The following LITAF variants were observed in gnomAD, a reference collection of about 807,000 sequenced individuals.
The protein encoded by LITAF is lipopolysaccharide-induced tumor necrosis factor-alpha factor.
Under a neutral mutation model 14.5 loss-of-function variants are expected in LITAF, and 9 were observed. That is an observed-to-expected ratio of 0.62 (90% CI 0.37 to 1.08). The LOEUF (loss-of-function observed/expected upper bound fraction) is 1.08, where lower values mean the gene tolerates loss of function less well. LITAF is among the 50% of genes least tolerant of loss of function. The probability of loss-of-function intolerance (pLI) is 0.01; values close to 1 mark genes in which losing one functional copy is unlikely to be tolerated. For synonymous variants in LITAF, 98 were observed against 88.2 expected, an observed-to-expected ratio of 1.11 and a Z score of -0.62; for missense variants, 206 against 213.4, an observed-to-expected ratio of 0.97 and a Z score of 0.22.
At chr16:11,635,738 G>A (rs1200264176) in intron 2 of LITAF, 2 of 152,200 alleles carry the variant, frequency 1.3e-5, no homozygotes, top group Non-Finnish European at 2.9e-5. Flanking sequence ...GACCCTTTTT[G>A]TCAACGGCGC....
At chr16:11,631,136 G>T (rs527836042) in intron 3 of LITAF, among the ~76,000 whole-genome samples, 1 of 152,268 alleles carries the variant, frequency 6.6e-6, no homozygotes, top group Non-Finnish European at 1.5e-5. Flanking sequence ...TAACCAGGTC[G>T]CCATGGGGTA....
chr16:11,618,276 C>T (rs1450128733), intron 3 of LITAF, among the ~76,000 whole-genome samples: 1 of 152,224 alleles, frequency 6.6e-6, no homozygotes, highest in Non-Finnish European at 1.5e-5. Context: ...TGCCACTGTG[C>T]TGGTCTAGAT....
At chr16:11,552,710 G>A (rs1329837298) in intron 3 of LITAF, among the ~76,000 whole-genome samples, 1 of 152,114 alleles carries the variant, frequency 6.6e-6, no homozygotes, top group East Asian at 1.9e-4. Flanking sequence ...GCCTCCCAGG[G>A]GGCATTTTTG....
intron 3 of LITAF, among the ~76,000 whole-genome samples, chr16:11,633,360 C>A (rs1470493869): frequency 6.6e-6 from 1 of 152,160 alleles, no homozygotes; most frequent in African/African-American, 2.4e-5. Context: ...TGAACCAGAG[C>A]AACTCCATCT....
At chr16:11,616,648 G>T (rs1216375041) in intron 3 of LITAF, among the ~76,000 whole-genome samples, 1 of 152,038 alleles carries the variant, frequency 6.6e-6, no homozygotes, top group Non-Finnish European at 1.5e-5. Flanking sequence ...CAATATCACA[G>T]GCTACCCTCT....
At position 11,586,027 on chromosome 16, in the gene LITAF, C is replaced by G. The variant is rs1409936806; in HGVS notation, c.-6+859G>C. ...CGAAGAGCTTCGGGCACACCACCAA[C>G]TGACCACCTATCCACAGTGACCTGC... On this transcript the variant is annotated intron_variant, in intron 1 of 3. Transcript: ENST00000622633. The surrounding 1 kb of genome is among the most constrained non-coding windows in gnomAD (Gnocchi z 6.5). The G allele has an allele frequency of 1.3e-5, 2 of 152,734 alleles. No individual in the cohort carries two copies. Among genetic ancestry groups the G allele is most frequent in the Non-Finnish European group, 2.9e-5 (2 of 68,420 alleles). The allele number at this position is 152,734 out of a possible 1,614,324, so 9.5% of individuals were successfully genotyped here.
chr16:11,563,110 C>G (rs1365526479), intron 1 of LITAF, among the ~76,000 whole-genome samples: 1 of 151,744 alleles, frequency 6.6e-6, no homozygotes, highest in Non-Finnish European at 1.5e-5. Context: ...GCCTGGGTGA[C>G]AGAGTGAGAC....
rs979318490 is a variant in LITAF at position 11,632,775 on chromosome 16, G to A, written c.85+758C>T. Reference sequence around the variant, plus strand: ...GCCCCCATGCACATGACTATGTGGTGCCCTCAGCCCCCGCACGGGTCAGAG... The same window carrying A: ...GCCCCCATGCACATGACTATGTGGTACCCTCAGCCCCCGCACGGGTCAGAG... On this transcript the variant is annotated intron_variant, in intron 3 of 3. Transcript: ENST00000574848. This position sits in a 1 kb window ranked among gnomAD's most constrained non-coding sequence, Gnocchi z 4.8. 2.0e-5 allele frequency among the ~76,000 whole-genome samples: 3 copies of A among 152,218 alleles called. No homozygotes were observed. Among genetic ancestry groups the A allele is most frequent in the African/African-American group, 7.2e-5 (3 of 41,458 alleles).
intron 1 of LITAF, among the ~76,000 whole-genome samples, chr16:11,596,086 G>C: frequency 6.6e-6 from 1 of 152,146 alleles, no homozygotes; most frequent in Non-Finnish European, 1.5e-5. Flanking sequence ...CAGTGGCACA[G>C]GTAGAGGCCC....
chr16:11,636,344 G>A (rs996818650), exon 1 of LITAF: 2 of 152,268 alleles, frequency 1.3e-5, no homozygotes, highest in Non-Finnish European at 1.5e-5. Context: ...AGCGCTCTCT[G>A]CGAAGAAAGG....
chr16:11,600,854 C>CA (rs2064922242), upstream of LITAF, among the ~76,000 whole-genome samples: 1 of 152,100 alleles, frequency 6.6e-6, no homozygotes. The surrounding 1 kb of genome is among the most constrained non-coding windows in gnomAD (Gnocchi z 4.1). Flanking sequence ...CCTCCTCCTC[C>CA]AATGTCCCGC....
At chr16:11,622,994 C>G (rs1235869219) in intron 3 of LITAF, among the ~76,000 whole-genome samples, 1 of 150,506 alleles carries the variant, frequency 6.6e-6, no homozygotes, top group African/African-American at 2.4e-5. Context: ...GAAACAGAGT[C>G]TCGCTCTGTC....
At chr16:11,604,362 T>C (rs1168550225) in intron 3 of LITAF, among the ~76,000 whole-genome samples, 28 of 152,220 alleles carry the variant, frequency 1.8e-4, no homozygotes, top group Non-Finnish European at 2.9e-5. Context: ...CATTAGTTCA[T>C]TTAATCCTCA....
intron 3 of LITAF, among the ~76,000 whole-genome samples, chr16:11,611,931 C>A (rs1018319149): frequency 2.0e-5 from 3 of 152,190 alleles, no homozygotes; most frequent in Non-Finnish European, 4.4e-5. Context: ...TCCCAAAGTG[C>A]TGGGATGACA....
intron 1 of LITAF, among the ~76,000 whole-genome samples, chr16:11,583,251 A>G (rs1166420029): frequency 1.3e-5 from 2 of 152,184 alleles, no homozygotes; most frequent in African/African-American, 2.4e-5. Flanking sequence ...TAAAGTTACC[A>G]CAATCTTAAA....
In LITAF at chr16:11,610,890, CA is replaced by C. The variant is rs1251763703; in HGVS notation, c.85+22642del. 3.3e-5 allele frequency among the ~76,000 whole-genome samples: 5 copies of C among 152,172 alleles called. No homozygotes were observed. In the East Asian group the frequency reaches 9.7e-4, roughly 29 times the overall value. The stretch of plus-strand genomic sequence containing the variant: ...AATGTGAATCAGTGGCCAATTTGTA[CA>C]TGGAAGACGGAACAAGACCTCACGA... On this transcript the variant is annotated intron_variant, in intron 3 of 3. Transcript: ENST00000574848.
At chr16:11,611,275 C>T (rs546126857) in intron 3 of LITAF, among the ~76,000 whole-genome samples, 4 of 152,066 alleles carry the variant, frequency 2.6e-5, no homozygotes, top group East Asian at 3.9e-4. Context: ...CCCAGGAGTT[C>T]GAGGCTGCAA....
chr16:11,617,607 A>G (rs1338875619), intron 3 of LITAF, among the ~76,000 whole-genome samples: 1 of 150,728 alleles, frequency 6.6e-6, no homozygotes, highest in Non-Finnish European at 1.5e-5. Context: ...TTGTATTTTT[A>G]GTAGAGACGG....
intron 3 of LITAF, among the ~76,000 whole-genome samples, chr16:11,614,084 C>T (rs1035359645): frequency 7.9e-5 from 12 of 152,074 alleles, no homozygotes; most frequent in African/African-American, 2.9e-4. Flanking sequence ...CTTGTGCAGG[C>T]TCAGAAGGAT....
Sources: allele counts gnomAD v4.1 joint callset (sites outside exome capture counted in the v4.1 genomes callset), GRCh38; gene constraint gnomAD v4.1.1; non-coding constraint Gnocchi (gnomAD v3.1); transcripts MANE v1.5; gene names NCBI Gene and HGNC (gene_info 2026-07-23, HGNC 2026-07-21).